SGCZ: variants seen among roughly 807,000 people sequenced by gnomAD.
SGCZ encodes the protein sarcoglycan zeta, also known as zeta-sarcoglycan.
A neutral mutation model predicts 41.3 loss-of-function variants in SGCZ; 40 were observed. The observed-to-expected ratio is 0.97, with a 90% confidence interval of 0.75 to 1.26. The LOEUF (loss-of-function observed/expected upper bound fraction) is 1.26, where lower values mean the gene tolerates loss of function less well. Among genes scored for constraint, SGCZ ranks in the 50% most tolerant of loss-of-function variants. SGCZ has a pLI of 0.00. For synonymous variants in SGCZ, 206 were observed against 137.5 expected (o/e 1.50, Z -3.49); for missense variants, 552 against 369.8 (o/e 1.49, Z -4.04).
At chr8:15,112,175 C>G (rs557130566) in intron 1 of SGCZ, among the ~76,000 whole-genome samples, 3 of 152,146 alleles carry the variant, frequency 2.0e-5, no homozygotes, top group African/African-American at 7.2e-5. Context: ...ACTCTTTCAC[C>G]GCGAGAACAT....
intron 2 of SGCZ, among the ~76,000 whole-genome samples, chr8:14,356,166 T>G (rs1384164539): frequency 1.3e-5 from 2 of 152,184 alleles, no homozygotes; most frequent in Non-Finnish European, 2.9e-5. Context: ...TAAACATAAG[T>G]GTTCTGACAT....
intron 2 of SGCZ, among the ~76,000 whole-genome samples, chr8:14,476,795 G>A (rs1477673044): frequency 6.6e-6 from 1 of 152,120 alleles, no homozygotes; most frequent in African/African-American, 2.4e-5. Flanking sequence ...ATCCACTACG[G>A]TTTGACTTCT....
At chr8:15,164,822 C>T (rs992622829) in intron 1 of SGCZ, among the ~76,000 whole-genome samples, 1 of 152,070 alleles carries the variant, frequency 6.6e-6, no homozygotes, top group African/African-American at 2.4e-5. Flanking sequence ...TGTTTTACAT[C>T]TTGCGGGTAT....
rs1002778220 is a variant in SGCZ at position 14,086,364 on chromosome 8, C to T, written c.*4079G>A. On this transcript the variant is annotated 3_prime_UTR_variant, in exon 8 of 8. Transcript: ENST00000382080. ...GCTATTGCTGCCTCATACAGAGATA[C>T]CATGTTTGCAATGAAATAATTTATT... is the stretch of plus-strand genomic sequence containing the variant. Among the ~76,000 whole-genome samples, 1 of 151,618 alleles carries T rather than the reference C, an allele frequency of 6.6e-6. No individual in the cohort carries two copies. The highest frequency in any genetic ancestry group is 1.5e-5 in the Non-Finnish European group (1 of 67,716).
At chr8:14,511,149 C>T (rs1802455460) in intron 2 of SGCZ, among the ~76,000 whole-genome samples, 1 of 151,796 alleles carries the variant, frequency 6.6e-6, no homozygotes, top group African/African-American at 2.4e-5. Context: ...AATTGTTTAT[C>T]TTGAGAAATG....
In SGCZ at chr8:14,554,719, T is replaced by C. The variant is rs1156314161; in HGVS notation, c.234+13A>G. 4 of 1,603,548 alleles carry C rather than the reference T, an allele frequency of 2.5e-6. No homozygotes were observed. The highest frequency in any genetic ancestry group is 1.1e-5 in the South Asian group (1 of 90,062). ...CCAAGAGCAATAAGATGTAAAATCA[T>C]AGTGGTACTTACCACAGTGAAATTC... is the stretch of plus-strand genomic sequence containing the variant. On this transcript the variant is annotated intron_variant, in intron 2 of 7. Transcript: ENST00000382080.
At chr8:14,965,486 G>T (rs1318245238) in intron 1 of SGCZ, among the ~76,000 whole-genome samples, 1 of 152,074 alleles carries the variant, frequency 6.6e-6, no homozygotes, top group Non-Finnish European at 1.5e-5. Context: ...TTAAAATGTA[G>T]AATTTTAGGC....
intron 1 of SGCZ, among the ~76,000 whole-genome samples, chr8:14,847,120 AAGAAGAAAGAAGAAG>A (rs1803145891): frequency 9.3e-6 from 1 of 107,766 alleles, no homozygotes; most frequent in Non-Finnish European, 1.9e-5. Flanking sequence ...AAAGAAGAAG[AAGAAGAAAGAAGAAG>A]AAGAAGAAGA....
At chr8:14,271,307 C>G (rs138685472) in intron 3 of SGCZ, among the ~76,000 whole-genome samples, 1 of 151,972 alleles carries the variant, frequency 6.6e-6, no homozygotes, top group African/African-American at 2.4e-5. Context: ...TTACTATTAT[C>G]TATAATTCAG....
chr8:14,299,990 T>C (rs1801133041), intron 3 of SGCZ, among the ~76,000 whole-genome samples: 1 of 152,036 alleles, frequency 6.6e-6, no homozygotes, highest in African/African-American at 2.4e-5. Context: ...ATATACACTA[T>C]GACTGCATTT....
intron 1 of SGCZ, among the ~76,000 whole-genome samples, chr8:14,659,346 C>T (rs1044857759): frequency 6.6e-6 from 1 of 152,010 alleles, no homozygotes. Context: ...TCACATTATA[C>T]CCCATAAGCA....
At chr8:15,131,040 T>C (rs1355669307) in intron 1 of SGCZ, among the ~76,000 whole-genome samples, 1 of 152,178 alleles carries the variant, frequency 6.6e-6, no homozygotes, top group Non-Finnish European at 1.5e-5. Flanking sequence ...ATGCTATCTA[T>C]AAGCAAGCTG....
chr8:14,721,672 C>G (rs1378278866), intron 1 of SGCZ, among the ~76,000 whole-genome samples: 2 of 152,218 alleles, frequency 1.3e-5, no homozygotes, highest in Non-Finnish European at 1.5e-5. Context: ...CTATTTCTGT[C>G]CTTTTCCTAT....
At chr8:14,985,320 C>G (rs978321683) in intron 1 of SGCZ, among the ~76,000 whole-genome samples, 2 of 152,086 alleles carry the variant, frequency 1.3e-5, no homozygotes, top group African/African-American at 4.8e-5. Flanking sequence ...TTGGTATACT[C>G]TCATGCCCCG....
At chr8:14,308,701 C>G (rs1038414375) in intron 3 of SGCZ, among the ~76,000 whole-genome samples, 15 of 152,140 alleles carry the variant, frequency 9.9e-5, no homozygotes, top group African/African-American at 3.6e-4. Flanking sequence ...TATGAAGATA[C>G]CGTGTGTTTC....
intron 2 of SGCZ, among the ~76,000 whole-genome samples, chr8:14,347,855 T>C (rs578184686): frequency 2.7e-4 from 41 of 152,194 alleles, no homozygotes; most frequent in Admixed American, 2.2e-3. Context: ...GTGAACGAAA[T>C]ACATGTACTC....
chr8:15,134,359 A>C (rs146253690), intron 1 of SGCZ, among the ~76,000 whole-genome samples: 57 of 151,384 alleles, frequency 3.8e-4, no homozygotes, highest in African/African-American at 1.4e-3. Flanking sequence ...CTTAAAGCCT[A>C]AACTAAATTA....
intron 2 of SGCZ, among the ~76,000 whole-genome samples, chr8:14,514,721 A>C (rs533223421): frequency 6.7e-6 from 1 of 148,346 alleles, no homozygotes; most frequent in African/African-American, 2.5e-5. Context: ...TTACATATAT[A>C]AACATATTTA....
chr8:14,129,373 A>G (rs1173033895), intron 5 of SGCZ, among the ~76,000 whole-genome samples: 1 of 145,570 alleles, frequency 6.9e-6, no homozygotes, highest in Non-Finnish European at 1.5e-5. Flanking sequence ...AAAAAAAAAA[A>G]TCTGCTCTTG....
Sources: gnomAD v4.1 joint callset for allele counts (sites outside exome capture counted in the v4.1 genomes callset) on GRCh38, gnomAD v4.1.1 for gene constraint, MANE v1.5 for transcripts, NCBI Gene and HGNC (gene_info 2026-07-23, HGNC 2026-07-21) for gene names.